The following ENPP1 variants were observed in gnomAD, a reference collection of about 807,000 sequenced individuals.
The protein encoded by ENPP1 is ectonucleotide pyrophosphatase/phosphodiesterase family member 1.
Under a neutral mutation model 122.8 loss-of-function variants are expected in ENPP1, and 73 were observed. That is an observed-to-expected ratio of 0.59 (90% CI 0.49 to 0.72). The LOEUF (loss-of-function observed/expected upper bound fraction) is 0.72, where lower values mean the gene tolerates loss of function less well. Ranked by LOEUF, ENPP1 falls within the 30% of genes least tolerant of loss-of-function variation. The pLI, the probability that ENPP1 is intolerant of heterozygous loss-of-function variation, is 0.00. For synonymous variants in ENPP1, 367 were observed against 391.6 expected (o/e 0.94, Z 0.74); for missense variants, 978 against 1,128.1 (o/e 0.87, Z 1.91).
At chr6:131,879,524 T>A (rs1031196249) in intron 19 of ENPP1, among the ~76,000 whole-genome samples, 2 of 152,172 alleles carry the variant, frequency 1.3e-5, no homozygotes, top group Admixed American at 6.5e-5. Flanking sequence ...AGTACACATA[T>A]CATTAAAAAA....
chr6:131,888,559 T>C (rs1289886949), intron 24 of ENPP1, among the ~76,000 whole-genome samples: 2 of 152,236 alleles, frequency 1.3e-5, no homozygotes, highest in Non-Finnish European at 2.9e-5. Context: ...TAGTAGTCTT[T>C]CTATATATCG....
chr6:131,867,960 G>C (rs2114710190), intron 11 of ENPP1, 58 bp from the exon 12 acceptor site: 1 of 864,598 alleles, frequency 1.2e-6, no homozygotes, highest in Middle Eastern at 2.3e-4. Context: ...ATAGCTTTAT[G>C]TATAAATAGC....
intron 1 of ENPP1, among the ~76,000 whole-genome samples, chr6:131,812,345 A>G (rs189923096): frequency 6.6e-6 from 1 of 152,294 alleles, no homozygotes; most frequent in African/African-American, 2.4e-5. Context: ...GAAGATCTCC[A>G]CTGAGGAAGA....
Position 131,864,907 on chromosome 6 carries a change from C to T in ENPP1, c.1133C>T (p.Ser378Leu). ...CTGTATTTAGAAGAACCAGATTCTT[C>T]AGGTCATTCATATGGACCAGTCAGC... ...YTLYLEEPDS[S>L]GHSYGPVSSE... The change falls in exon 11 of 25, where the codon TCA becomes TTA. Residue 378 changes from serine to leucine, a missense_variant. This residue lies in a region of ENPP1 where 644 missense variants were observed against 781.5 expected (regional missense o/e 0.82). Transcript: ENST00000647893. 1.2e-6 allele frequency: 2 copies of T among 1,605,766 alleles called. No homozygotes were observed. Among genetic ancestry groups the T allele is most frequent in the Non-Finnish European group, 1.7e-6 (2 of 1,172,538 alleles).
At position 131,875,463 on chromosome 6, in the gene ENPP1, C is replaced by T. The variant is rs184479817; in HGVS notation, c.1636-313C>T. ...CAATAATTATTTAATTTGATCCCTG[C>T]ATCACTGTGTAAGGTGGGCAGGATG... On this transcript the variant is annotated intron_variant, in intron 16 of 24. Coordinates refer to ENST00000647893, the MANE Select transcript of ENPP1 (RefSeq NM_006208.3). Among the ~76,000 whole-genome samples the T allele has an allele frequency of 3.7e-4, 57 of 152,148 alleles. No individual in the cohort carries two copies. The East Asian group carries it at 9.1e-3, about 24-fold the overall frequency.
chr6:131,885,008 C>A lies in ENPP1; in HGVS notation c.2389C>A (p.Pro797Thr). 2 of 1,613,922 alleles carry A rather than the reference C, an allele frequency of 1.2e-6. No homozygotes were observed. The highest frequency in any genetic ancestry group is 1.7e-6 in the Non-Finnish European group (2 of 1,179,906). The change falls in exon 23 of 25, where the codon CCT (proline) becomes ACT (threonine). Residue 797 changes from proline (P) to threonine (T), a missense_variant. Physicochemically the swap from Pro to Thr is conservative, Grantham distance 38 (BLOSUM62 -1). Transcript: ENST00000647893. ...ERNGVNVVSGPVFDFDYDGRC... is the reference protein window; with the variant it reads ...ERNGVNVVSGTVFDFDYDGRC... Reference sequence around the variant, plus strand: ...AAATGGTGTCAATGTCGTCAGTGGTCCTGTGTTTGACTTTGATTATGATGG... The same window carrying A: ...AAATGGTGTCAATGTCGTCAGTGGTACTGTGTTTGACTTTGATTATGATGG...
At chr6:131,864,994 T>G (rs1782071585) in intron 11 of ENPP1, 56 bp downstream of exon 11, 6 of 1,127,240 alleles carry the variant, frequency 5.3e-6, no homozygotes, top group Non-Finnish European at 8.2e-6. Context: ...AAACTGAACC[T>G]CGCTTTGAAG....
In ENPP1 at chr6:131,852,219, C is replaced by A. The variant is rs752171315; in HGVS notation, c.601C>A (p.Pro201Thr). Residue 201 changes from proline (P) to threonine (T), a missense_variant, in exon 5 of 25, where the codon CCA becomes ACA. This residue lies in a region of ENPP1 where 330 missense variants were observed against 328.5 expected (regional missense o/e 1.00). Coordinates refer to ENST00000647893, the MANE Select transcript of ENPP1 (RefSeq NM_006208.3). The part of the protein sequence containing the change: ...VEEPCESINE[P>T]QCPAGFETPP... Reference sequence around the variant, plus strand: ...AGAACCATGTGAGAGCATTAATGAGCCACAGTGCCCAGCAGGGTAAGATTA... The same window carrying A: ...AGAACCATGTGAGAGCATTAATGAGACACAGTGCCCAGCAGGGTAAGATTA... The A allele has an allele frequency of 6.2e-7, 1 of 1,603,592 alleles. No homozygotes were observed. Among genetic ancestry groups the A allele is most frequent in the East Asian group, 2.2e-5 (1 of 44,730 alleles).
intron 1 of ENPP1, among the ~76,000 whole-genome samples, chr6:131,824,952 C>T (rs889623710): frequency 3.3e-5 from 5 of 151,568 alleles, no homozygotes; most frequent in Non-Finnish European, 5.9e-5. Flanking sequence ...CCCAGCTACT[C>T]GGGAGGCTGA....
rs753845974 is a variant in ENPP1 at position 131,808,325 on chromosome 6, A to C, written c.240+50A>C. 2.8e-4 allele frequency: 410 copies of C among 1,459,646 alleles called. 1 individual carries two copies. The highest frequency in any genetic ancestry group is 3.7e-4 in the Non-Finnish European group (404 of 1,098,712). 90.4% of individuals were successfully genotyped at this position (1,459,646 alleles called of 1,614,324 possible). On this transcript the variant is annotated intron_variant, in intron 1 of 24. Coordinates refer to ENST00000647893, the MANE Select transcript of ENPP1 (RefSeq NM_006208.3). ...GCCCGGGAGGGCTGGGAGTACGGGG[A>C]GGGCGGCGCCGAGCTCCTGCGCTCT...
intron 1 of ENPP1, chr6:131,828,021 C>G: frequency 1.5e-6 from 1 of 680,072 alleles, no homozygotes. Flanking sequence ...CTGCAGGCTG[C>G]AAAGAACAGT....
At chr6:131,875,066 A>G (rs1027092990) in intron 16 of ENPP1, among the ~76,000 whole-genome samples, 2 of 152,126 alleles carry the variant, frequency 1.3e-5, no homozygotes, top group East Asian at 1.9e-4. Context: ...CAAAGGTGGG[A>G]GGGCAGGAGG....
In ENPP1 at chr6:131,826,136, G is replaced by C. The variant is rs1781543683; in HGVS notation, c.240+17861G>C. ...TCCAGGTAATTTCCAATGAACTCCA[G>C]ATGAGTAAGGTTTGACAGCTGACCC... On this transcript the variant is annotated intron_variant, in intron 1 of 24. Transcript: ENST00000647893. The C allele has an allele frequency of 8.3e-6, 7 of 840,978 alleles. No individual in the cohort carries two copies. The Admixed American group carries it at 1.2e-4, about 14-fold the overall frequency. The allele number at this position is 840,978 out of a possible 1,614,324, so 52.1% of individuals were successfully genotyped here.
At chr6:131,837,433 G>A (rs1415578651) in intron 1 of ENPP1, among the ~76,000 whole-genome samples, 5 of 150,204 alleles carry the variant, frequency 3.3e-5, no homozygotes, top group Non-Finnish European at 7.4e-5. Context: ...GGCTGAAGCA[G>A]GAGAATCGTT....
chr6:131,854,283 C>T (rs1405642763), intron 5 of ENPP1, among the ~76,000 whole-genome samples: 4 of 151,814 alleles, frequency 2.6e-5, no homozygotes, highest in Admixed American at 1.3e-4. Context: ...CATGGTGGTG[C>T]GTGTTTGTAG....
chr6:131,840,569 A>C (rs1028211116), intron 1 of ENPP1, among the ~76,000 whole-genome samples: 1 of 152,192 alleles, frequency 6.6e-6, no homozygotes, highest in Non-Finnish European at 1.5e-5. Flanking sequence ...TGTTTTGTAC[A>C]TTCCGCCGAA....
chr6:131,875,961 G>A, intron 17 of ENPP1, 98 bp downstream of exon 17: 2 of 907,702 alleles, frequency 2.2e-6, no homozygotes, highest in East Asian at 2.5e-5. Context: ...TGGAGATGAT[G>A]GTGAGGCAAG....
At chr6:131,859,338 C>CA (rs1191786889) in intron 7 of ENPP1, among the ~76,000 whole-genome samples, 1 of 151,902 alleles carries the variant, frequency 6.6e-6, no homozygotes, top group Non-Finnish European at 1.5e-5. Context: ...CTTTACTCAG[C>CA]AATTTAAAAA....
rs191287789 is a variant in ENPP1 at position 131,881,599 on chromosome 6, A to G, written c.2101-746A>G. 9.9e-4 allele frequency among the ~76,000 whole-genome samples: 151 copies of G among 152,240 alleles called. 1 individual carries two copies. Among genetic ancestry groups the G allele is most frequent in the African/African-American group, 2.9e-3 (122 of 41,534 alleles). On this transcript the variant is annotated intron_variant, in intron 20 of 24. Coordinates refer to ENST00000647893, the MANE Select transcript of ENPP1 (RefSeq NM_006208.3). Reference sequence around the variant, plus strand: ...AACATTTTACTATATAAAAGCTTAAAATTGACCAGCGCGGTGGCTCACGCC... The same window carrying G: ...AACATTTTACTATATAAAAGCTTAAGATTGACCAGCGCGGTGGCTCACGCC...
Sources: allele counts gnomAD v4.1 joint callset (sites outside exome capture counted in the v4.1 genomes callset), GRCh38; gene constraint gnomAD v4.1.1; regional missense constraint gnomAD v4.1.1; transcripts MANE v1.5; gene names NCBI Gene and HGNC (gene_info 2026-07-23, HGNC 2026-07-21).